The following MARCHF8 variants were observed in gnomAD, a reference collection of about 807,000 sequenced individuals.
The protein encoded by MARCHF8 is membrane associated ring-CH-type finger 8, also known as E3 ubiquitin-protein ligase MARCHF8.
Under a neutral mutation model 51.6 loss-of-function variants are expected in MARCHF8, and 40 were observed. The ratio of observed to expected loss-of-function variants is 0.77; its 90% CI spans 0.60 to 1.01. The LOEUF (loss-of-function observed/expected upper bound fraction) is 1.01, where lower values mean the gene tolerates loss of function less well. Ranked by LOEUF, MARCHF8 falls within the 50% of genes least tolerant of loss-of-function variation. The pLI is 0.00. For missense variants in MARCHF8, 685 were observed against 708.6 expected, an observed-to-expected ratio of 0.97 and a Z score of 0.38; for synonymous variants, 263 against 280.3, an observed-to-expected ratio of 0.94 and a Z score of 0.62.
rs1842672719 is a variant in MARCHF8, at chr10:45,458,320, T to C, written c.1641A>G (p.Gly547=). The C allele has an allele frequency of 2.5e-6, 4 of 1,614,146 alleles. No individual in the cohort carries two copies. Among genetic ancestry groups the C allele is most frequent in the Non-Finnish European group, 3.4e-6 (4 of 1,180,026 alleles). The change falls in exon 8 of 8, where the codon GGA becomes GGG. Residue 547 remains glycine (G), a synonymous_variant. Coordinates refer to ENST00000453424, the MANE Select transcript of MARCHF8 (RefSeq NM_001282866.2). The part of the protein sequence containing the change: ...LTEPNFENKH[G]YGICHSDTNS... ...TTGTGTCGGAATGACAGATTCCATA[T>C]CCATGTTTATTTTCAAAGTTGGGCT...
intron 1 of MARCHF8, among the ~76,000 whole-genome samples, chr10:45,551,327 G>T (rs1335590543): frequency 5.3e-5 from 8 of 152,296 alleles, no homozygotes; most frequent in Non-Finnish European, 1.2e-4. Flanking sequence ...CAGATTGGGA[G>T]TGGGAAGATA....
chr10:45,511,937 G>C (rs1159859085), intron 2 of MARCHF8, among the ~76,000 whole-genome samples: 1 of 149,956 alleles, frequency 6.7e-6, no homozygotes, highest in Non-Finnish European at 1.5e-5. Context: ...GCCTCTTCCT[G>C]GCCGCCATCC....
rs547217915 is a variant in MARCHF8 at position 45,559,057 on chromosome 10, T to C, written c.-78-25768A>G. 4.6e-5 allele frequency among the ~76,000 whole-genome samples: 7 copies of C among 152,364 alleles called. No homozygotes were observed. In the South Asian group the frequency reaches 1.4e-3, roughly 32 times the overall value. On this transcript the variant is annotated intron_variant, in intron 1 of 6. Transcript: ENST00000319836. The stretch of plus-strand genomic sequence containing the variant: ...TAAGATGTAGTAATTTATGGCAATT[T>C]CAATTATTCAGGAGGAATATGTATT...
exon 1 of MARCHF8, chr10:45,594,770 T>G (rs2044721693): frequency 6.6e-6 from 1 of 152,204 alleles, no homozygotes; most frequent in African/African-American, 2.4e-5. Flanking sequence ...AGGAGTTACC[T>G]CAGGTGGGCT....
chr10:45,513,488 G>C (rs2043568697), intron 2 of MARCHF8, among the ~76,000 whole-genome samples: 2 of 152,076 alleles, frequency 1.3e-5, no homozygotes, highest in Non-Finnish European at 2.9e-5. Flanking sequence ...ATTTTCTCTG[G>C]TTGTCTCAGA....
At chr10:45,498,953 T>C (rs2043227271) in intron 2 of MARCHF8, among the ~76,000 whole-genome samples, 1 of 152,236 alleles carries the variant, frequency 6.6e-6, no homozygotes, top group Admixed American at 6.5e-5. Context: ...TTTAATTCTT[T>C]GGGGTATATA....
At chr10:45,458,621 T>C (rs1457411079) in intron 7 of MARCHF8, 78 bp from the exon 8 acceptor site, 1 of 1,362,334 alleles carries the variant, frequency 7.3e-7, no homozygotes, top group Admixed American at 2.6e-5. Context: ...GAACTTCCCA[T>C]AATCAACTGA....
At chr10:45,505,706 G>A (rs553812530) in intron 2 of MARCHF8, among the ~76,000 whole-genome samples, 1 of 152,298 alleles carries the variant, frequency 6.6e-6, no homozygotes, top group East Asian at 1.9e-4. Context: ...ATGGGGATTC[G>A]GTTTTATGGT....
In MARCHF8 at chr10:45,459,098, T is replaced by C. The variant is rs767352960; in HGVS notation, c.1417+22A>G. 5 of 1,613,594 alleles carry C rather than the reference T, an allele frequency of 3.1e-6. No homozygotes were observed. The South Asian group carries it at 3.3e-5, about 11-fold the overall frequency. ...AGCTATCCCGGCCCCCATGCTGAGC[T>C]TGCTCCAGCCTGAGAACTCACCTGT... On this transcript the variant is annotated intron_variant, in intron 7 of 7. Transcript: ENST00000453424.
In MARCHF8 at chr10:45,480,371, C is replaced by T. The variant is rs1033212282; in HGVS notation, c.153+8996G>A. On this transcript the variant is annotated intron_variant, in intron 3 of 7. Coordinates refer to ENST00000453424, the MANE Select transcript of MARCHF8 (RefSeq NM_001282866.2). ...TGGGTGTGGAAATTTGCCTAAGTAA[C>T]GAAGAGCCAAATGTTAATCACCAAC... is the stretch of plus-strand genomic sequence containing the variant. 2.0e-5 allele frequency among the ~76,000 whole-genome samples: 3 copies of T among 152,094 alleles called. No homozygotes were observed. In the East Asian group the frequency reaches 5.8e-4, roughly 29 times the overall value.
intron 1 of MARCHF8, among the ~76,000 whole-genome samples, chr10:45,533,537 C>A (rs924491637): frequency 6.6e-6 from 1 of 152,098 alleles, no homozygotes; most frequent in Non-Finnish European, 1.5e-5. Context: ...GAGATATAAT[C>A]TTCCATTGGC....
chr10:45,498,680 T>C (rs2043221228), intron 2 of MARCHF8, among the ~76,000 whole-genome samples: 1 of 152,342 alleles, frequency 6.6e-6, no homozygotes, highest in East Asian at 1.9e-4. Context: ...TTCACCATGT[T>C]GGCCAGGCTG....
intron 3 of MARCHF8, among the ~76,000 whole-genome samples, chr10:45,469,844 G>A (rs544009978): frequency 6.6e-5 from 8 of 121,030 alleles, no homozygotes; most frequent in Non-Finnish European, 1.3e-4. Context: ...CAGCCTGGGC[G>A]ACAGAGTGAG....
chr10:45,466,867 T>G (rs1055870478), intron 3 of MARCHF8, among the ~76,000 whole-genome samples: 1 of 152,326 alleles, frequency 6.6e-6, no homozygotes, highest in South Asian at 2.1e-4. Context: ...ATGCCCATGA[T>G]GAGGAGCAAG....
intron 2 of MARCHF8, among the ~76,000 whole-genome samples, chr10:45,490,194 C>T (rs1368796735): frequency 6.6e-6 from 1 of 152,214 alleles, no homozygotes; most frequent in Non-Finnish European, 1.5e-5. Flanking sequence ...ATGGGCTAAA[C>T]TGTGTATTCC....
intron 1 of MARCHF8, among the ~76,000 whole-genome samples, chr10:45,582,558 C>G (rs2044567155): frequency 6.6e-6 from 1 of 152,162 alleles, no homozygotes; most frequent in South Asian, 2.1e-4. Context: ...CAAACCCAAT[C>G]CCATTTTTAT....
intron 1 of MARCHF8, among the ~76,000 whole-genome samples, chr10:45,590,879 T>A (rs934362267): frequency 4.6e-5 from 7 of 152,194 alleles, no homozygotes; most frequent in Non-Finnish European, 1.0e-4. Flanking sequence ...CCTGCACTTA[T>A]ACATCCAGAT....
rs539102498 is a variant in MARCHF8 at position 45,542,147 on chromosome 10, C to G, written c.-78-8858G>C. ...GATCACGAGGTCAGGAAATTGAGAC[C>G]ATCCTGGCTAACACGGTGAAACCCC... On this transcript the variant is annotated intron_variant, in intron 1 of 6. Transcript: ENST00000319836. Among the ~76,000 whole-genome samples, 20 of 152,086 alleles carry G rather than the reference C, an allele frequency of 1.3e-4. No individual in the cohort carries two copies. In the South Asian group the frequency reaches 3.9e-3, roughly 30 times the overall value.
At chr10:45,562,590 G>T (rs1464479695) in intron 1 of MARCHF8, among the ~76,000 whole-genome samples, 1 of 152,090 alleles carries the variant, frequency 6.6e-6, no homozygotes, top group Non-Finnish European at 1.5e-5. Flanking sequence ...AAGTAACAGA[G>T]TTTATGACCA....
Sources: allele counts gnomAD v4.1 joint callset (sites outside exome capture counted in the v4.1 genomes callset), GRCh38; gene constraint gnomAD v4.1.1; transcripts MANE v1.5; gene names NCBI Gene and HGNC (gene_info 2026-07-23, HGNC 2026-07-21).